Variants in AFF2 observed in about 807,000 individuals in gnomAD.
The protein encoded by AFF2 is ALF transcription elongation factor 2.
Under a neutral mutation model 76.9 loss-of-function variants are expected in AFF2, and 14 were observed. The ratio of observed to expected loss-of-function variants is 0.18; its 90% confidence interval spans 0.12 to 0.28. AFF2 has a LOEUF of 0.28. Among genes scored for constraint, AFF2 ranks in the 10% least tolerant of loss-of-function variants. The probability of loss-of-function intolerance (pLI) is 1.00; values close to 1 mark genes in which losing one functional copy is unlikely to be tolerated. For synonymous variants in AFF2, 398 were observed against 366.7 expected, an observed-to-expected ratio of 1.09 and a Z score of -0.98; for missense variants, 868 against 1,001.1, an observed-to-expected ratio of 0.87 and a Z score of 1.79.
In AFF2 at chrX:148,958,419, T is replaced by G. The variant is rs781825599; in HGVS notation, c.2651T>G (p.Ile884Ser). 8.3e-7 allele frequency: 1 copy of G among 1,211,122 alleles called. No individual in the cohort carries two copies. Among genetic ancestry groups the G allele is most frequent in the South Asian group, 1.8e-5 (1 of 56,930 alleles). The stretch of plus-strand genomic sequence containing the variant: ...ACTATCTGCTTGCTCCCTCCTTGCA[T>G]CTCACCAGCCCCACCCCACAAGCCT... ...ATTICLLPPC[I>S]SPAPPHKPPN... is the part of the protein sequence containing the mutation. The change falls in exon 12 of 21, where the codon ATC becomes AGC. Residue 884 changes from isoleucine to serine, a missense_variant. Physicochemically the swap from Ile to Ser is moderately radical, Grantham distance 142 (BLOSUM62 -2). Around this residue, in one of 6 missense-constraint regions of AFF2, gnomAD observed 532 missense variants for 564.2 expected, o/e 0.94. Coordinates refer to ENST00000370460, the MANE Select transcript of AFF2 (RefSeq NM_002025.4).
intron 3 of AFF2, among the ~76,000 whole-genome samples, chrX:148,700,568 T>C (rs1392817862): frequency 2.7e-5 from 3 of 110,004 alleles, no homozygotes; most frequent in Non-Finnish European, 3.8e-5. Flanking sequence ...TCCCCTGATA[T>C]GTTCTTTCCA....
intron 3 of AFF2, among the ~76,000 whole-genome samples, chrX:148,677,002 G>A (rs1319829203): frequency 2.7e-5 from 3 of 110,968 alleles, no homozygotes; most frequent in Non-Finnish European, 5.7e-5. Context: ...ACATGTTAGG[G>A]CTGGTGAGAT....
At chrX:148,731,156 G>C (rs2055214662) in intron 3 of AFF2, among the ~76,000 whole-genome samples, 1 of 111,959 alleles carries the variant, frequency 8.9e-6, no homozygotes, top group African/African-American at 3.2e-5. Context: ...CCAATTTATA[G>C]AGACGAGTTC....
At chrX:148,809,834 G>A in intron 3 of AFF2, 42 bp from the exon 4 acceptor site, 2 of 1,172,324 alleles carry the variant, frequency 1.7e-6, no homozygotes, top group Non-Finnish European at 2.3e-6. Context: ...ACAAGAAGAA[G>A]AAGTAGATTG....
intron 1 of AFF2, among the ~76,000 whole-genome samples, chrX:148,534,975 G>C (rs1270304800): frequency 9.0e-6 from 1 of 111,665 alleles, no homozygotes; most frequent in Non-Finnish European, 1.9e-5. Flanking sequence ...AAAAGGTGTG[G>C]CTTTGTGGTC....
intron 9 of AFF2, among the ~76,000 whole-genome samples, chrX:148,934,070 G>A (rs1281493130): frequency 2.7e-5 from 3 of 112,592 alleles, no homozygotes; most frequent in African/African-American, 9.7e-5. Flanking sequence ...TCTGACTGCT[G>A]ACGCATAAAC....
At chrX:148,731,765 A>G (rs1483281475) in intron 3 of AFF2, among the ~76,000 whole-genome samples, 1 of 92,369 alleles carries the variant, frequency 1.1e-5, no homozygotes, top group East Asian at 3.1e-4. Flanking sequence ...TGGGCGAAGG[A>G]CATGAACAGA....
chrX:148,958,499 G>T (rs781964151), intron 12 of AFF2, 41 bp downstream of exon 12: 44 of 1,181,464 alleles, frequency 3.7e-5, no homozygotes, highest in Non-Finnish European at 5.0e-5. Context: ...TGGTATGATT[G>T]TTCAGACTCC....
chrX:148,938,865 G>A (rs2071802789), intron 9 of AFF2, among the ~76,000 whole-genome samples: 1 of 111,291 alleles, frequency 9.0e-6, no homozygotes, highest in Admixed American at 9.6e-5. Context: ...TCCTGTTATA[G>A]GTATGCAAGA....
chrX:148,548,660 C>G (rs2052954631), intron 1 of AFF2, among the ~76,000 whole-genome samples: 1 of 111,687 alleles, frequency 9.0e-6, no homozygotes. Context: ...GTCTCGAACT[C>G]CTGACCTCAA....
intron 9 of AFF2, among the ~76,000 whole-genome samples, chrX:148,917,931 A>G (rs2071550349): frequency 8.9e-6 from 1 of 112,313 alleles, no homozygotes; most frequent in South Asian, 3.7e-4. Context: ...AGGAAATAAC[A>G]TTGCTACAAG....
intron 3 of AFF2, among the ~76,000 whole-genome samples, chrX:148,719,821 A>T (rs1173456781): frequency 9.0e-6 from 1 of 111,585 alleles, no homozygotes; most frequent in East Asian, 2.8e-4. Flanking sequence ...AACAATGACA[A>T]CAAAACTTAG....
At chrX:148,794,758 T>C (rs1297235593) in intron 3 of AFF2, among the ~76,000 whole-genome samples, 1 of 111,540 alleles carries the variant, frequency 9.0e-6, no homozygotes, top group African/African-American at 3.3e-5. Flanking sequence ...TAATCTTTCA[T>C]CTTGCAGAGG....
intron 1 of AFF2, among the ~76,000 whole-genome samples, chrX:148,532,517 A>G (rs940266072): frequency 5.3e-5 from 6 of 112,491 alleles, no homozygotes; most frequent in African/African-American, 1.9e-4. Flanking sequence ...GTTCATTCAG[A>G]AAAAACAGTT....
intron 1 of AFF2, among the ~76,000 whole-genome samples, chrX:148,607,344 C>T (rs1344302090): frequency 9.0e-6 from 1 of 110,942 alleles, no homozygotes; most frequent in Non-Finnish European, 1.9e-5. Flanking sequence ...ATGGGAGGGA[C>T]CCGGTTGGAG....
chrX:148,951,798 T>A (rs2071971901), intron 9 of AFF2, among the ~76,000 whole-genome samples: 1 of 105,158 alleles, frequency 9.5e-6, no homozygotes. Context: ...AGGAGCCCTG[T>A]TATAGGTCTC....
intron 3 of AFF2, among the ~76,000 whole-genome samples, chrX:148,733,930 C>T (rs1046548737): frequency 5.3e-4 from 60 of 112,411 alleles, no homozygotes; most frequent in African/African-American, 1.9e-3. Flanking sequence ...ATCCAGTGGC[C>T]TTGGTTCCAA....
intron 7 of AFF2, among the ~76,000 whole-genome samples, chrX:148,847,291 C>A (rs1011557635): frequency 8.9e-6 from 1 of 112,027 alleles, no homozygotes; most frequent in South Asian, 3.8e-4. Context: ...GACTTTCAGG[C>A]AGGTTCCATG....
intron 7 of AFF2, among the ~76,000 whole-genome samples, chrX:148,845,598 G>A (rs1295666360): frequency 9.8e-5 from 11 of 112,354 alleles, no homozygotes; most frequent in Admixed American, 8.4e-4. Flanking sequence ...GATCAGAATT[G>A]TAATAAAGTT....
Sources: allele counts gnomAD v4.1 joint callset (sites outside exome capture counted in the v4.1 genomes callset), GRCh38; gene constraint gnomAD v4.1.1; regional missense constraint gnomAD v4.1.1; transcripts MANE v1.5; gene names NCBI Gene and HGNC (gene_info 2026-07-23, HGNC 2026-07-21).